Variants in ATP10B observed in about 807,000 individuals in gnomAD.
The protein encoded by ATP10B is ATPase phospholipid transporting 10B (putative).
A neutral mutation model predicts 141.2 loss-of-function variants in ATP10B; 122 were observed. That is an observed-to-expected ratio of 0.86 (90% CI 0.75 to 1.00). ATP10B has a LOEUF of 1.00. ATP10B is among the 50% of genes least tolerant of loss of function. ATP10B has a pLI of 0.00. For synonymous variants in ATP10B, 685 were observed against 692.0 expected, an observed-to-expected ratio of 0.99 and a Z score of 0.16; for missense variants, 1,876 against 1,825.3, an observed-to-expected ratio of 1.03 and a Z score of -0.51.
chr5:160,566,219 T>C (rs920356052), intron 25 of ATP10B, among the ~76,000 whole-genome samples: 4 of 152,214 alleles, frequency 2.6e-5, no homozygotes, highest in Non-Finnish European at 4.4e-5. Flanking sequence ...ACTGAGGGAC[T>C]GAGAGATTTA....
chr5:160,869,219 A>G, the ATP10B span, among the ~76,000 whole-genome samples: 4 of 152,150 alleles, frequency 2.6e-5, no homozygotes, highest in African/African-American at 9.7e-5. Flanking sequence ...TGCAGTTGCT[A>G]TTATTACCAC....
At chr5:160,744,120 C>T (rs987241064) in intron 2 of ATP10B, among the ~76,000 whole-genome samples, 18 of 152,190 alleles carry the variant, frequency 1.2e-4, no homozygotes, top group African/African-American at 4.3e-4. Flanking sequence ...ATTATTTACA[C>T]TGTCAGCCTC....
intron 3 of ATP10B, among the ~76,000 whole-genome samples, chr5:160,708,260 G>T (rs964448733): frequency 5.9e-5 from 9 of 152,040 alleles, no homozygotes; most frequent in African/African-American, 2.2e-4. Flanking sequence ...TTATTATTCT[G>T]ATATGTGAAA....
intron 21 of ATP10B, among the ~76,000 whole-genome samples, chr5:160,600,367 A>G (rs1757034951): frequency 6.6e-6 from 1 of 152,114 alleles, no homozygotes; most frequent in Non-Finnish European, 1.5e-5. Flanking sequence ...TCTCAGTCCT[A>G]TCTTTGGCTT....
At chr5:160,878,498 C>G in the ATP10B span, among the ~76,000 whole-genome samples, 1 of 152,152 alleles carries the variant, frequency 6.6e-6, no homozygotes, top group Non-Finnish European at 1.5e-5. Context: ...GTCCAAAACA[C>G]CAAAAGCAAT....
intron 2 of ATP10B, among the ~76,000 whole-genome samples, chr5:160,743,411 C>G (rs780516102): frequency 9.2e-5 from 14 of 152,144 alleles, no homozygotes; most frequent in Non-Finnish European, 2.1e-4. Flanking sequence ...TCTGGGTGAG[C>G]TACACTGTCT....
At chr5:160,676,808 G>T (rs893630235) in intron 6 of ATP10B, among the ~76,000 whole-genome samples, 1 of 152,136 alleles carries the variant, frequency 6.6e-6, no homozygotes, top group Non-Finnish European at 1.5e-5. Context: ...TCCATTACAG[G>T]TTAGCTGCCT....
rs1333188166 is a variant in ATP10B at position 160,737,731 on chromosome 5, T to A, written c.-330-20697A>T. Among the ~76,000 whole-genome samples, 3 of 152,066 alleles carry A rather than the reference T, an allele frequency of 2.0e-5. No individual in the cohort carries two copies. In the East Asian group the frequency reaches 5.8e-4, roughly 29 times the overall value. ...AAATATGAGAAAAAAGAAGAGGCAT[T>A]TTATAATATTAAAAGGATCAATCAT... On this transcript the variant is annotated intron_variant, in intron 2 of 25. Coordinates refer to ENST00000327245, the MANE Select transcript of ATP10B (RefSeq NM_025153.3).
chr5:160,635,125 T>C (rs1759264826), intron 11 of ATP10B, among the ~76,000 whole-genome samples: 1 of 149,000 alleles, frequency 6.7e-6, no homozygotes. Flanking sequence ...TGAGTGGTGG[T>C]AAGTTGCATG....
chr5:160,751,748 AG>A (rs1768166907), intron 2 of ATP10B, among the ~76,000 whole-genome samples: 1 of 152,178 alleles, frequency 6.6e-6, no homozygotes, highest in African/African-American at 2.4e-5. Context: ...TTTGACACAA[AG>A]GGTCTGGAGA....
At chr5:160,696,266 C>A (rs988967669) in intron 3 of ATP10B, among the ~76,000 whole-genome samples, 1 of 152,052 alleles carries the variant, frequency 6.6e-6, no homozygotes, top group South Asian at 2.1e-4. Flanking sequence ...GCCATCATGC[C>A]TGGCAAAATT....
At chr5:160,921,570 G>A in the ATP10B span, among the ~76,000 whole-genome samples, 83 of 152,314 alleles carry the variant, frequency 5.4e-4, no homozygotes, top group Non-Finnish European at 1.0e-3. Context: ...TGTCTGGCTA[G>A]AGTTTATACA....
At chr5:160,587,259 T>C (rs1252626900) in intron 24 of ATP10B, among the ~76,000 whole-genome samples, 6 of 152,192 alleles carry the variant, frequency 3.9e-5, no homozygotes, top group Admixed American at 3.9e-4. Flanking sequence ...GAAGATCAGA[T>C]GGTTGTAGGT....
In ATP10B at chr5:160,828,264, T is replaced by C. The variant is rs1008210598; in HGVS notation, c.-576+23677A>G. Among the ~76,000 whole-genome samples the C allele has an allele frequency of 2.0e-5, 3 of 151,886 alleles. No homozygotes were observed. The South Asian group carries it at 6.2e-4, about 32-fold the overall frequency. On this transcript the variant is annotated intron_variant, in intron 1 of 25. Transcript: ENST00000327245. ...ACAGCAAAAGAAACTACCATCAGAGTGAACAGGCAACCTACAAAATGGGAG... is the reference window on the plus strand; with the variant it reads ...ACAGCAAAAGAAACTACCATCAGAGCGAACAGGCAACCTACAAAATGGGAG...
At chr5:160,826,146 ACTCT>A (rs1471348453) in intron 1 of ATP10B, among the ~76,000 whole-genome samples, 1 of 151,540 alleles carries the variant, frequency 6.6e-6, no homozygotes, top group Admixed American at 6.6e-5. Flanking sequence ...TTTTTGTATA[ACTCT>A]CTATTTTCCT....
chr5:160,685,414 C>T (rs1305397705), intron 6 of ATP10B: 1 of 431,454 alleles, frequency 2.3e-6, no homozygotes, highest in African/African-American at 2.0e-5. Context: ...CCACTTCCTT[C>T]TACTTGTTTG....
chr5:160,599,338 T>C (rs1407160221), intron 21 of ATP10B, among the ~76,000 whole-genome samples: 3 of 152,220 alleles, frequency 2.0e-5, no homozygotes, highest in South Asian at 2.1e-4. Flanking sequence ...TAGGAACCTA[T>C]TGAGGACATT....
At chr5:160,654,695 G>GTCGTCA (rs1034778755) in intron 7 of ATP10B, among the ~76,000 whole-genome samples, 2 of 152,104 alleles carry the variant, frequency 1.3e-5, no homozygotes, top group African/African-American at 4.8e-5. Flanking sequence ...CAAAGTCATT[G>GTCGTCA]TCGTCATCGT....
In ATP10B at chr5:160,565,113, A is replaced by T; in HGVS notation, c.*340T>A. On this transcript the variant is annotated 3_prime_UTR_variant, in exon 26 of 26. Transcript: ENST00000327245. ...GTTGATACACTTCTTGAATCTTGGAAACTTACGGCACTGGGTTGTAGGCTA... is the reference window on the plus strand; with the variant it reads ...GTTGATACACTTCTTGAATCTTGGATACTTACGGCACTGGGTTGTAGGCTA... 4.0e-6 allele frequency: 1 copy of T among 247,760 alleles called. No individual in the cohort carries two copies. 15.3% of individuals were successfully genotyped at this position (247,760 alleles called of 1,614,324 possible).
Sources: gnomAD v4.1 joint callset for allele counts (sites outside exome capture counted in the v4.1 genomes callset) on GRCh38, gnomAD v4.1.1 for gene constraint, MANE v1.5 for transcripts, NCBI Gene and HGNC (gene_info 2026-07-23, HGNC 2026-07-21) for gene names.